NALF1: variants seen among roughly 807,000 people sequenced by gnomAD.
NALF1 encodes family with sequence similarity 155 member A.
In NALF1, 3 loss-of-function variants were observed where a neutral mutation model predicts 48.4. The ratio of observed to expected loss-of-function variants is 0.06; its 90% confidence interval spans 0.03 to 0.16. NALF1 has a LOEUF of 0.16. NALF1 is among the 10% of genes least tolerant of loss of function. The probability of loss-of-function intolerance (pLI) is 1.00; values close to 1 mark genes in which losing one functional copy is unlikely to be tolerated. For synonymous variants in NALF1, 262 were observed against 245.7 expected (o/e 1.07, Z -0.62); for missense variants, 526 against 571.5 (o/e 0.92, Z 0.81).
At chr13:107,347,211 AGTTGATGGCTTTCTG>A (rs1222276617) in intron 1 of NALF1, among the ~76,000 whole-genome samples, 2 of 152,198 alleles carry the variant, frequency 1.3e-5, no homozygotes, top group Non-Finnish European at 2.9e-5. Flanking sequence ...AAGATCCTCA[AGTTGATGGCTTTCTG>A]AGGCATTCTG....
chr13:107,376,675 CT>C (rs1205935005), intron 1 of NALF1, among the ~76,000 whole-genome samples: 1 of 152,176 alleles, frequency 6.6e-6, no homozygotes, highest in Non-Finnish European at 1.5e-5. Flanking sequence ...TAGGTCTGAT[CT>C]GCAATGAATT....
chr13:107,373,018 G>C (rs192749120), intron 1 of NALF1, among the ~76,000 whole-genome samples: 2 of 152,122 alleles, frequency 1.3e-5, no homozygotes, highest in African/African-American at 4.8e-5. Flanking sequence ...CTGTAAACTG[G>C]GGATGATAAT....
intron 1 of NALF1, among the ~76,000 whole-genome samples, chr13:107,818,991 G>A (rs1435363015): frequency 6.6e-6 from 1 of 151,400 alleles, no homozygotes; most frequent in Non-Finnish European, 1.5e-5. Context: ...TAAAACATGA[G>A]AGCCTGACTA....
At chr13:107,553,512 A>G (rs1245153298) in intron 1 of NALF1, among the ~76,000 whole-genome samples, 2 of 152,174 alleles carry the variant, frequency 1.3e-5, no homozygotes, top group African/African-American at 4.8e-5. Context: ...AACCCTTTCA[A>G]TTGCTTCTGA....
At chr13:107,752,219 G>T (rs1246518571) in intron 1 of NALF1, among the ~76,000 whole-genome samples, 1 of 151,962 alleles carries the variant, frequency 6.6e-6, no homozygotes, top group East Asian at 1.9e-4. Flanking sequence ...CCAATTCATT[G>T]AATTTTCTGT....
chr13:107,630,689 G>T (rs1879812399), intron 1 of NALF1, among the ~76,000 whole-genome samples: 2 of 151,920 alleles, frequency 1.3e-5, no homozygotes, highest in African/African-American at 4.8e-5. Flanking sequence ...ATCTAAATCT[G>T]GCATAAAAAG....
Position 107,866,598 on chromosome 13 carries a change from T to C in NALF1, c.-2A>G, listed in dbSNP as rs780045784. ...ACACATCCAAGCACCCCTGGTCATA[T>C]TTTGGGAACGCACAGCCCTGGCCGA... On this transcript the variant is annotated 5_prime_UTR_variant, in exon 1 of 3. Transcript: ENST00000375915. This position sits in a 1 kb window ranked among gnomAD's most constrained non-coding sequence, Gnocchi z 4.4. 4.4e-6 allele frequency: 7 copies of C among 1,600,470 alleles called. No individual in the cohort carries two copies. Among genetic ancestry groups the C allele is most frequent in the Non-Finnish European group, 5.9e-6 (7 of 1,176,990 alleles).
chr13:107,420,392 A>C (rs1203544582), intron 1 of NALF1, among the ~76,000 whole-genome samples: 2 of 152,198 alleles, frequency 1.3e-5, no homozygotes, highest in Admixed American at 1.3e-4. Context: ...TAAAATAATA[A>C]TTATGTTAAT....
intron 1 of NALF1, among the ~76,000 whole-genome samples, chr13:107,765,603 G>C (rs997980407): frequency 2.0e-5 from 3 of 152,082 alleles, no homozygotes; most frequent in Admixed American, 1.3e-4. Flanking sequence ...TTTAATGATA[G>C]ATTTAAAAGT....
At chr13:107,608,647 T>G (rs1879138375) in intron 1 of NALF1, among the ~76,000 whole-genome samples, 1 of 152,182 alleles carries the variant, frequency 6.6e-6, no homozygotes, top group Admixed American at 6.5e-5. Context: ...TAAGCAACGG[T>G]TGCAGGGCAC....
chr13:107,393,360 T>C (rs144848020), intron 1 of NALF1, among the ~76,000 whole-genome samples: 99 of 152,266 alleles, frequency 6.5e-4, no homozygotes, highest in African/African-American at 2.2e-3. Context: ...TCATCCAGTT[T>C]AGTCATTTGG....
intron 1 of NALF1, among the ~76,000 whole-genome samples, chr13:107,727,787 A>G (rs1266148697): frequency 6.6e-6 from 1 of 152,188 alleles, no homozygotes; most frequent in Admixed American, 6.6e-5. Context: ...CCATCTGACA[A>G]AGGGCTAATA....
intron 2 of NALF1, among the ~76,000 whole-genome samples, chr13:107,176,318 T>G (rs4996706): frequency 0.2 from 4,991 of 25,330 alleles, 268 homozygotes; most frequent in African/African-American, 0.27. Flanking sequence ...ACCTCACAGT[T>G]TTTTTTTTTT....
intron 2 of NALF1, among the ~76,000 whole-genome samples, chr13:107,173,552 C>T (rs367771696): frequency 6.6e-6 from 1 of 152,174 alleles, no homozygotes; most frequent in East Asian, 1.9e-4. Flanking sequence ...ATATCTCCTG[C>T]AGCCTCCCAC....
At chr13:107,804,519 C>CA (rs1878716425) in intron 1 of NALF1, among the ~76,000 whole-genome samples, 1 of 152,130 alleles carries the variant, frequency 6.6e-6, no homozygotes, top group African/African-American at 2.4e-5. Context: ...GACTAGTCCC[C>CA]AAGCTCCCTG....
chr13:107,725,474 G>A (rs1434036830), intron 1 of NALF1, among the ~76,000 whole-genome samples: 3 of 152,342 alleles, frequency 2.0e-5, no homozygotes, highest in Non-Finnish European at 4.4e-5. Context: ...TTGGGAGACC[G>A]AGGTGGGCAG....
chr13:107,252,939 A>G (rs1880732921), intron 1 of NALF1, among the ~76,000 whole-genome samples: 1 of 152,226 alleles, frequency 6.6e-6, no homozygotes, highest in African/African-American at 2.4e-5. Context: ...GAAGAATATT[A>G]TAATGTACAA....
intron 1 of NALF1, among the ~76,000 whole-genome samples, chr13:107,652,299 T>C (rs1041649596): frequency 6.6e-6 from 1 of 152,210 alleles, no homozygotes; most frequent in African/African-American, 2.4e-5. Context: ...CCTTTGTTAT[T>C]AAGATTGTTT....
chr13:107,727,658 C>A (rs1876197803), intron 1 of NALF1, among the ~76,000 whole-genome samples: 1 of 152,262 alleles, frequency 6.6e-6, no homozygotes, highest in Non-Finnish European at 1.5e-5. Context: ...GCAATTGCAA[C>A]AAAAGCCAAA....
Sources: gnomAD v4.1 joint callset for allele counts (sites outside exome capture counted in the v4.1 genomes callset) on GRCh38, gnomAD v4.1.1 for gene constraint, Gnocchi (gnomAD v3.1) non-coding constraint, MANE v1.5 for transcripts, NCBI Gene and HGNC (gene_info 2026-07-23, HGNC 2026-07-21) for gene names.